The following GATA6 variants were observed in gnomAD, a reference collection of about 807,000 sequenced individuals.
GATA6 encodes the protein GATA binding protein 6.
Under a neutral mutation model 48.1 loss-of-function variants are expected in GATA6, and 11 were observed. The observed-to-expected ratio is 0.23, with a 90% CI of 0.14 to 0.38. The LOEUF (loss-of-function observed/expected upper bound fraction) is 0.38, where lower values mean the gene tolerates loss of function less well. GATA6 is among the 10% of genes least tolerant of loss of function. The probability of loss-of-function intolerance (pLI) is 1.00; values close to 1 mark genes in which losing one functional copy is unlikely to be tolerated. For missense variants in GATA6, 795 were observed against 850.3 expected (o/e 0.93, Z 0.81); for synonymous variants, 419 against 396.1 (o/e 1.06, Z -0.69).
In GATA6 at chr18:22,171,289, G is replaced by A. The variant is rs1427563571; in HGVS notation, c.145G>A (p.Gly49Ser). 6 of 1,593,612 alleles carry A rather than the reference G, an allele frequency of 3.8e-6. No individual in the cohort carries two copies. In the East Asian group the frequency reaches 6.7e-5, roughly 18 times the overall value. The change falls in exon 2 of 7, where the codon GGC (glycine) becomes AGC (serine). Residue 49 changes from glycine (G) to serine (S), a missense_variant. Physicochemically the swap from Gly to Ser is moderately conservative, Grantham distance 56. Around this residue, in one of 5 missense-constraint regions of GATA6, gnomAD observed 591 missense variants for 570.0 expected, o/e 1.04. Coordinates refer to ENST00000269216, the MANE Select transcript of GATA6 (RefSeq NM_005257.6). The surrounding 1 kb of genome is among the most constrained non-coding windows in gnomAD (Gnocchi z 7.1). ...TTCCTCGTCCTCCTCCTGCTCCCGG[G>A]GCGGAGAGCGGGGCCCCGGCGGCGC... ...ISSSSSSCSR[G>S]GERGPGGASN...
Position 22,171,892 on chromosome 18 carries a change from G to T in GATA6, c.748G>T (p.Gly250Cys). The change falls in exon 2 of 7, where the codon GGC becomes TGC. Residue 250 changes from glycine to cysteine, a missense_variant. This residue lies in a region of GATA6 where 591 missense variants were observed against 570.0 expected (regional missense o/e 1.04). Coordinates refer to ENST00000269216, the MANE Select transcript of GATA6 (RefSeq NM_005257.6). The surrounding 1 kb of genome is among the most constrained non-coding windows in gnomAD (Gnocchi z 7.1). ...GAAGGGAAGP[G>C]GAGSAAAHVS... ...GGCTGGCGGCGGGGCCGCGGGGCCTGGCGGCGCTGGCTCAGCCGCGGCGCA... is the reference window on the plus strand; with the variant it reads ...GGCTGGCGGCGGGGCCGCGGGGCCTTGCGGCGCTGGCTCAGCCGCGGCGCA... 8.7e-7 allele frequency: 1 copy of T among 1,152,774 alleles called. No individual in the cohort carries two copies. The highest frequency in any genetic ancestry group is 1.1e-6 in the Non-Finnish European group (1 of 938,412). 71.4% of individuals were successfully genotyped at this position (1,152,774 alleles called of 1,614,324 possible).
At chr18:22,197,653 T>C (rs1025498604) in intron 6 of GATA6, among the ~76,000 whole-genome samples, 6 of 152,216 alleles carry the variant, frequency 3.9e-5, no homozygotes, top group Non-Finnish European at 7.3e-5. Context: ...CCTTCGCTTT[T>C]ACAAACGTTA....
intron 3 of GATA6, among the ~76,000 whole-genome samples, chr18:22,177,959 T>TG (rs1285219236): frequency 5.0e-4 from 66 of 133,246 alleles, no homozygotes; most frequent in South Asian, 3.1e-3. Flanking sequence ...TTTGTTTTTT[T>TG]TTTTTTTTTT....
intron 6 of GATA6, among the ~76,000 whole-genome samples, chr18:22,197,862 C>T (rs2033410465): frequency 1.3e-5 from 2 of 152,080 alleles, no homozygotes; most frequent in African/African-American, 4.8e-5. Context: ...TCTGCTATTC[C>T]TTTTCTGACT....
chr18:22,173,712 G>A (rs867894919), intron 2 of GATA6, among the ~76,000 whole-genome samples: 2 of 152,116 alleles, frequency 1.3e-5, no homozygotes, highest in African/African-American at 4.8e-5. Flanking sequence ...GAGTGCAGTG[G>A]CTCACTGTAA....
intron 3 of GATA6, among the ~76,000 whole-genome samples, chr18:22,178,898 TTGAGCTGAGTAC>T (rs1324817966): frequency 3.9e-5 from 6 of 152,204 alleles, no homozygotes; most frequent in Non-Finnish European, 8.8e-5. Context: ...GAAAGGCACA[TTGAGCTGAGTAC>T]TAACTGAACT....
At chr18:22,176,106 A>T (rs2033118414) in intron 2 of GATA6, among the ~76,000 whole-genome samples, 1 of 152,244 alleles carries the variant, frequency 6.6e-6, no homozygotes, top group South Asian at 2.1e-4. Context: ...GAATAATAAT[A>T]ATAAAATTAT....
chr18:22,199,900 C>CAAAAAAAAAAAAAAAAAAAAAAAA (rs35638046), intron 6 of GATA6, among the ~76,000 whole-genome samples: 1 of 68,352 alleles, frequency 1.5e-5, no homozygotes, highest in Non-Finnish European at 3.0e-5. Flanking sequence ...GACTCTGTTT[C>CAAAAAAAAAAAAAAAAAAAAAAAA]AAAAAAAAAA....
At chr18:22,197,010 A>G (rs911262571) in intron 6 of GATA6, among the ~76,000 whole-genome samples, 1 of 152,030 alleles carries the variant, frequency 6.6e-6, no homozygotes, top group African/African-American at 2.4e-5. Context: ...TAACAAGAGT[A>G]GCTTATACTG....
chr18:22,196,368 A>G (rs374283393), intron 6 of GATA6, among the ~76,000 whole-genome samples: 135 of 152,274 alleles, frequency 8.9e-4, no homozygotes, highest in African/African-American at 3.0e-3. Flanking sequence ...ATTTTCGCCA[A>G]TTGCTTTTGG....
chr18:22,181,190 G>C (rs777121749), intron 3 of GATA6, among the ~76,000 whole-genome samples: 3 of 152,086 alleles, frequency 2.0e-5, no homozygotes, highest in African/African-American at 7.2e-5. Flanking sequence ...GACTGCTCCC[G>C]GGTATTCTTG....
In GATA6 at chr18:22,172,452, CCGGTAGCG is replaced by C. The variant is rs2033069312; in HGVS notation, c.1135+175_1135+182del. 2.6e-5 allele frequency among the ~76,000 whole-genome samples: 4 copies of C among 152,226 alleles called. No individual in the cohort carries two copies. The highest frequency in any genetic ancestry group is 9.6e-5 in the African/African-American group (4 of 41,472). Reference sequence around the variant, plus strand: ...GGCCTGTGGCTGGGTAACCCAGAGTCCGGTAGCGCTGAGGCGAGTTGTGCCAAGACTTG... The same window carrying C: ...GGCCTGTGGCTGGGTAACCCAGAGTCCTGAGGCGAGTTGTGCCAAGACTTG... On this transcript the variant is annotated intron_variant, in intron 2 of 6. Coordinates refer to ENST00000269216, the MANE Select transcript of GATA6 (RefSeq NM_005257.6). This position sits in a 1 kb window ranked among gnomAD's most constrained non-coding sequence, Gnocchi z 5.2.
intron 6 of GATA6, among the ~76,000 whole-genome samples, chr18:22,197,194 A>G (rs562828533): frequency 6.3e-4 from 96 of 151,664 alleles, no homozygotes; most frequent in Non-Finnish European, 1.0e-3. Flanking sequence ...TGGGATTACA[A>G]GCATGCTCCA....
At chr18:22,191,949 G>A (rs2033332244) in intron 6 of GATA6, among the ~76,000 whole-genome samples, 1 of 152,222 alleles carries the variant, frequency 6.6e-6, no homozygotes, top group Non-Finnish European at 1.5e-5. Flanking sequence ...TGTTTTGGTT[G>A]TTGGCCTGGC....
chr18:22,198,333 A>T (rs936473519), intron 6 of GATA6, among the ~76,000 whole-genome samples: 2 of 151,988 alleles, frequency 1.3e-5, no homozygotes, highest in African/African-American at 4.8e-5. Flanking sequence ...GGCTTCCCAA[A>T]GTGTTGGGAT....
chr18:22,175,833 T>C (rs1329278506), intron 2 of GATA6, among the ~76,000 whole-genome samples: 2 of 152,206 alleles, frequency 1.3e-5, no homozygotes, highest in Non-Finnish European at 1.5e-5. Context: ...TAATGTTTAT[T>C]TACTTTAAAA....
chr18:22,177,354 A>G (rs993626827), intron 3 of GATA6, among the ~76,000 whole-genome samples: 1 of 152,228 alleles, frequency 6.6e-6, no homozygotes, highest in African/African-American at 2.4e-5. Context: ...TGGGAAGCCA[A>G]GATAGCCTTT....
In GATA6 at chr18:22,172,336, G is replaced by A. The variant is rs2033067066; in HGVS notation, c.1135+57G>A. 3.3e-6 allele frequency: 5 copies of A among 1,509,736 alleles called. No individual in the cohort carries two copies. Among genetic ancestry groups the A allele is most frequent in the South Asian group, 1.2e-5 (1 of 82,606 alleles). 93.5% of individuals were successfully genotyped at this position (1,509,736 alleles called of 1,614,324 possible). On this transcript the variant is annotated intron_variant, in intron 2 of 6. Transcript: ENST00000269216. The surrounding 1 kb of genome is among the most constrained non-coding windows in gnomAD (Gnocchi z 5.2). ...GTCCAAAGCGCTGGGGCGCACGGGG[G>A]ACGTGGAGCAGCTGCTCCACTCGGG...
chr18:22,181,191 G>A (rs2033191050), intron 3 of GATA6, among the ~76,000 whole-genome samples: 1 of 152,062 alleles, frequency 6.6e-6, no homozygotes, highest in Non-Finnish European at 1.5e-5. Flanking sequence ...ACTGCTCCCG[G>A]GTATTCTTGA....
Sources: allele counts gnomAD v4.1 joint callset (sites outside exome capture counted in the v4.1 genomes callset), GRCh38; gene constraint gnomAD v4.1.1; regional missense constraint gnomAD v4.1.1; non-coding constraint Gnocchi (gnomAD v3.1); transcripts MANE v1.5; gene names NCBI Gene and HGNC (gene_info 2026-07-23, HGNC 2026-07-21).